The following ARHGEF40 variants were observed in gnomAD, a reference collection of about 807,000 sequenced individuals.
The protein encoded by ARHGEF40 is Rho guanine nucleotide exchange factor (GEF) 40.
A neutral mutation model predicts 165.9 loss-of-function variants in ARHGEF40; 98 were observed. That is an observed-to-expected ratio of 0.59 (90% CI 0.50 to 0.70). ARHGEF40 has a LOEUF of 0.70. Among genes scored for constraint, ARHGEF40 ranks in the 30% least tolerant of loss-of-function variants. ARHGEF40 has a pLI of 0.00. For synonymous variants in ARHGEF40, 792 were observed against 814.3 expected (o/e 0.97, Z 0.47); for missense variants, 1,815 against 1,968.0 (o/e 0.92, Z 1.47).
upstream of ARHGEF40, among the ~76,000 whole-genome samples, chr14:21,065,615 GT>G (rs1414905923): frequency 6.6e-6 from 1 of 152,172 alleles, no homozygotes; most frequent in Non-Finnish European, 1.5e-5. Context: ...AAGACAATGG[GT>G]GAGAGACCAC....
chr14:21,077,001 G>T (rs1887480736), intron 8 of ARHGEF40, 111 bp downstream of exon 8: 1 of 829,456 alleles, frequency 1.2e-6, no homozygotes, highest in Admixed American at 2.3e-5. Flanking sequence ...CAAAAAAGTG[G>T]TTTCCATTCC....
Position 21,084,759 on chromosome 14 carries a change from C to T in ARHGEF40, c.3796C>T (p.Leu1266=). 1.2e-6 allele frequency: 2 copies of T among 1,613,012 alleles called. No homozygotes were observed. The highest frequency in any genetic ancestry group is 1.7e-6 in the Non-Finnish European group (2 of 1,179,784). Residue 1266 remains leucine, a synonymous_variant, in exon 18 of 24, where the codon CTG becomes TTG. Coordinates refer to ENST00000298694, the MANE Select transcript of ARHGEF40 (RefSeq NM_018071.5). ...TTCCTTTTCCTTTCTCCAGATAGAT[C>T]TGAAGGAGCAGGGACAGCTCTTGCA... ...VEAVRGCEID[L]KEQGQLLHRD...
chr14:21,079,994 G>GATCAAGTGAATTCAGCAAAGGACT (rs1473716376), intron 11 of ARHGEF40, among the ~76,000 whole-genome samples: 1 of 152,112 alleles, frequency 6.6e-6, no homozygotes, highest in Non-Finnish European at 1.5e-5. Context: ...TGGTCAGAAA[G>GATCAAGTGAATTCAGCAAAGGACT]ATCAAGTGAA....
At chr14:21,063,672 G>A in the ARHGEF40 span, among the ~76,000 whole-genome samples, 17 of 152,200 alleles carry the variant, frequency 1.1e-4, no homozygotes, top group Non-Finnish European at 2.4e-4. Flanking sequence ...TCTGCTGGGG[G>A]TCTGCCAATG....
At chr14:21,088,266 C>T (rs1394027018) in intron 22 of ARHGEF40, among the ~76,000 whole-genome samples, 168 bp downstream of exon 22, 2 of 152,132 alleles carry the variant, frequency 1.3e-5, no homozygotes, top group African/African-American at 4.8e-5. Context: ...CTCCTCTCCC[C>T]GGGACCTGGC....
chr14:21,082,378 C>T lies in ARHGEF40; in HGVS notation c.3386C>T (p.Ala1129Val). 1 of 1,611,436 alleles carries T rather than the reference C, an allele frequency of 6.2e-7. No individual in the cohort carries two copies. The highest frequency in any genetic ancestry group is 8.5e-7 in the Non-Finnish European group (1 of 1,179,472). The change falls in exon 15 of 24, where the codon GCC becomes GTC. Residue 1129 changes from alanine (A) to valine (V), a missense_variant. Transcript: ENST00000298694. ...GGCACCTGGGCTGCTGCCCTGAGTG[C>T]CCGGGAAAGGCTTCGCAGCTTCCAC... The part of the protein sequence containing the change: ...LRGTWAAALS[A>V]RERLRSFHRT...
rs978869124 is a variant in ARHGEF40, at chr14:21,072,328, C to T, written c.4-717C>T. Among the ~76,000 whole-genome samples, 21 of 152,232 alleles carry T rather than the reference C, an allele frequency of 1.4e-4. No homozygotes were observed. Among genetic ancestry groups the T allele is most frequent in the African/African-American group, 5.1e-4 (21 of 41,540 alleles). ...GCCTCCTCCTCCCTTCCCACAAGTT[C>T]CTCTTGTGACTTTTTTCTCTTTCAA... On this transcript the variant is annotated intron_variant, in intron 1 of 23. Transcript: ENST00000298694. This position sits in a 1 kb window ranked among gnomAD's most constrained non-coding sequence, Gnocchi z 4.1.
chr14:21,076,037 A>T (rs1470718812), intron 5 of ARHGEF40, among the ~76,000 whole-genome samples: 1 of 152,210 alleles, frequency 6.6e-6, no homozygotes, highest in Non-Finnish European at 1.5e-5. Flanking sequence ...ACAAACATTT[A>T]TTGAGCACTG....
intron 1 of ARHGEF40, among the ~76,000 whole-genome samples, chr14:21,071,950 T>G (rs1886947895): frequency 6.6e-6 from 1 of 152,124 alleles, no homozygotes; most frequent in South Asian, 2.1e-4. Context: ...TGGATGGAGC[T>G]CAGAGAAAAA....
Position 21,070,427 on chromosome 14 carries a change from T to C in ARHGEF40, c.3+28T>C. 2 of 1,401,412 alleles carry C rather than the reference T, an allele frequency of 1.4e-6. No homozygotes were observed. Among genetic ancestry groups the C allele is most frequent in the Middle Eastern group, 1.9e-4 (1 of 5,368 alleles). The allele number at this position is 1,401,412 out of a possible 1,614,324, so 86.8% of individuals were successfully genotyped here. A position where few individuals can be genotyped will look rare whatever the true frequency, so the allele number is the denominator to read the frequency against. ...GAGTCCAGCGTCGCAGCCCCCTGGG[T>C]CCCCTCGGCCTTCGCGCAGCCCGCT... On this transcript the variant is annotated intron_variant, in intron 1 of 23. Coordinates refer to ENST00000298694, the MANE Select transcript of ARHGEF40 (RefSeq NM_018071.5). The surrounding 1 kb of genome is among the most constrained non-coding windows in gnomAD (Gnocchi z 4.7).
chr14:21,076,936 C>A, intron 8 of ARHGEF40, 46 bp downstream of exon 8: 2 of 1,525,910 alleles, frequency 1.3e-6, no homozygotes, highest in Non-Finnish European at 1.8e-6. Flanking sequence ...CCAGGAATAA[C>A]CCAGCTGAAG....
rs1409670532 is a variant in ARHGEF40 at position 21,090,204 on chromosome 14, C to T, written c.*1196C>T. 7 of 569,346 alleles carry T rather than the reference C, an allele frequency of 1.2e-5. No individual in the cohort carries two copies. Among genetic ancestry groups the T allele is most frequent in the African/African-American group, 9.2e-5 (5 of 54,086 alleles). 35.3% of individuals were successfully genotyped at this position (569,346 alleles called of 1,614,324 possible). On this transcript the variant is annotated 3_prime_UTR_variant, in exon 24 of 24. Coordinates refer to ENST00000298694, the MANE Select transcript of ARHGEF40 (RefSeq NM_018071.5). The surrounding 1 kb of genome is among the most constrained non-coding windows in gnomAD (Gnocchi z 4.4). ...AGAAGGGTACAGTGCCCCCCACCCT[C>T]ACCCCTTGTACAAAAATAAACTCTC...
chr14:21,066,119 C>A (rs1886249494), upstream of ARHGEF40, among the ~76,000 whole-genome samples: 1 of 151,950 alleles, frequency 6.6e-6, no homozygotes. Context: ...ACAACAACAA[C>A]AAAAACCTGA....
Position 21,076,674 on chromosome 14 carries a change from C to T in ARHGEF40, c.1917+31C>T, listed in dbSNP as rs553465899. On this transcript the variant is annotated intron_variant, in intron 7 of 23. Coordinates refer to ENST00000298694, the MANE Select transcript of ARHGEF40 (RefSeq NM_018071.5). ...AGCCCTTCATTCCCATCTAGTTTCC[C>T]ATCAGTAGTGGGGAGAGGAGAAGAG... 155 of 1,575,556 alleles carry T rather than the reference C, an allele frequency of 9.8e-5. 3 individuals carry two copies. The South Asian group carries it at 1.4e-3, about 14-fold the overall frequency.
chr14:21,087,290 A>C (rs1594582851), intron 20 of ARHGEF40, 30 bp from the exon 21 acceptor site: 1 of 1,596,360 alleles, frequency 6.3e-7, no homozygotes, highest in South Asian at 1.1e-5. Context: ...CCACACCAGC[A>C]CCCCACCCCC....
the ARHGEF40 span, among the ~76,000 whole-genome samples, chr14:21,063,812 A>G: frequency 6.6e-5 from 10 of 152,226 alleles, no homozygotes; most frequent in Non-Finnish European, 1.3e-4. Flanking sequence ...TGGAAAGCTT[A>G]TAAACAATTT....
At chr14:21,069,148 C>G (rs941722040), upstream of ARHGEF40, among the ~76,000 whole-genome samples, 4 of 152,248 alleles carry the variant, frequency 2.6e-5, no homozygotes, top group Non-Finnish European at 4.4e-5. Context: ...CCGGTGCCTG[C>G]TCAGAGGCCA....
intron 8 of ARHGEF40, 63 bp downstream of exon 8, chr14:21,076,953 T>C: frequency 7.1e-7 from 1 of 1,411,596 alleles, no homozygotes; most frequent in Admixed American, 1.7e-5. Flanking sequence ...GAAGACATTC[T>C]AGGAGAGAGG....
chr14:21,066,935 C>T (rs199972813), upstream of ARHGEF40, among the ~76,000 whole-genome samples: 3 of 152,152 alleles, frequency 2.0e-5, no homozygotes, highest in African/African-American at 7.2e-5. Context: ...CCCCAGATTC[C>T]TTGGAAGGCA....
Sources: allele counts gnomAD v4.1 joint callset (sites outside exome capture counted in the v4.1 genomes callset), GRCh38; gene constraint gnomAD v4.1.1; non-coding constraint Gnocchi (gnomAD v3.1); transcripts MANE v1.5; gene names NCBI Gene and HGNC (gene_info 2026-07-23, HGNC 2026-07-21).